ADGRL4: variants seen among roughly 807,000 people sequenced by gnomAD.
The protein encoded by ADGRL4 is adhesion G protein-coupled receptor L4, also known as EGF, latrophilin and seven transmembrane domain containing 1.
A neutral mutation model predicts 74.8 loss-of-function variants in ADGRL4; 90 were observed. The ratio of observed to expected loss-of-function variants is 1.20; its 90% CI spans 1.02 to 1.43. The LOEUF is 1.43. ADGRL4 is among the 40% of genes most tolerant of loss of function. ADGRL4 has a pLI of 0.00. For synonymous variants in ADGRL4, 311 were observed against 279.2 expected, an observed-to-expected ratio of 1.11 and a Z score of -1.14; for missense variants, 881 against 814.3, an observed-to-expected ratio of 1.08 and a Z score of -1.00.
At chr1:78,940,215 C>A (rs992251865) in intron 3 of ADGRL4, among the ~76,000 whole-genome samples, 1 of 152,038 alleles carries the variant, frequency 6.6e-6, no homozygotes, top group African/African-American at 2.4e-5. Context: ...GATAAAAGAG[C>A]GACCTGATTT....
At chr1:78,909,137 C>T (rs941830924) in intron 12 of ADGRL4, among the ~76,000 whole-genome samples, 1 of 151,762 alleles carries the variant, frequency 6.6e-6, no homozygotes, top group Non-Finnish European at 1.5e-5. Flanking sequence ...GAAAGATGCA[C>T]CCAACAAATA....
chr1:78,923,672 G>A (rs2100674669), intron 8 of ADGRL4, among the ~76,000 whole-genome samples: 1 of 151,930 alleles, frequency 6.6e-6, no homozygotes, highest in East Asian at 1.9e-4. Context: ...ATCTCAGAGA[G>A]ATGAGATACT....
intron 2 of ADGRL4, among the ~76,000 whole-genome samples, chr1:78,946,757 G>A (rs17102491): frequency 0.12 from 18,488 of 151,864 alleles, 1,285 homozygotes; most frequent in East Asian, 0.33. Context: ...TTGAATTTAT[G>A]GTACTCTTCA....
At chr1:78,899,608 G>C (rs1314385066) in intron 12 of ADGRL4, among the ~76,000 whole-genome samples, 1 of 152,102 alleles carries the variant, frequency 6.6e-6, no homozygotes, top group Non-Finnish European at 1.5e-5. Context: ...GTCCACCTAG[G>C]TCTCCCAAAG....
Position 78,891,040 on chromosome 1 carries a change from T to C in ADGRL4, c.*114A>G. Reference sequence around the variant, plus strand: ...AACAGAAAAACTGATTTAAAATACTTTTTGTCTAGTAGTTAATAATTGGAT... The same window carrying C: ...AACAGAAAAACTGATTTAAAATACTCTTTGTCTAGTAGTTAATAATTGGAT... On this transcript the variant is annotated 3_prime_UTR_variant, in exon 15 of 15. Coordinates refer to ENST00000370742, the MANE Select transcript of ADGRL4 (RefSeq NM_022159.4). 1 of 1,055,354 alleles carries C rather than the reference T, an allele frequency of 9.5e-7. No homozygotes were observed. Among genetic ancestry groups the C allele is most frequent in the South Asian group, 1.3e-5 (1 of 75,036 alleles). 65.4% of individuals were successfully genotyped at this position (1,055,354 alleles called of 1,614,324 possible). A position where few individuals can be genotyped will look rare whatever the true frequency, so the allele number is the denominator to read the frequency against.
At chr1:78,921,838 G>T (rs1649009127) in intron 8 of ADGRL4, 52 bp from the exon 9 acceptor site, 2 of 1,042,158 alleles carry the variant, frequency 1.9e-6, no homozygotes, top group Non-Finnish European at 2.6e-6. Flanking sequence ...TACATACATA[G>T]TATTGTTTTG....
At chr1:78,908,387 T>C (rs1470670489) in intron 12 of ADGRL4, among the ~76,000 whole-genome samples, 3 of 152,062 alleles carry the variant, frequency 2.0e-5, no homozygotes, top group African/African-American at 7.2e-5. Context: ...CTTAGTGTAA[T>C]CAGCCCTTTT....
chr1:78,990,563 A>G (rs2100733876), intron 2 of ADGRL4, among the ~76,000 whole-genome samples: 1 of 152,074 alleles, frequency 6.6e-6, no homozygotes, highest in East Asian at 1.9e-4. Flanking sequence ...GGAGAAGTAT[A>G]AAGGGATTGT....
At chr1:78,893,039 T>G in intron 13 of ADGRL4, 59 bp downstream of exon 13, 1 of 902,640 alleles carries the variant, frequency 1.1e-6, no homozygotes, top group Non-Finnish European at 1.7e-6. Flanking sequence ...TACTTTGAGT[T>G]ACTAAAGCTT....
At chr1:78,977,981 A>G (rs182281923) in intron 2 of ADGRL4, among the ~76,000 whole-genome samples, 5 of 152,014 alleles carry the variant, frequency 3.3e-5, no homozygotes, top group Admixed American at 1.3e-4. Context: ...TTCTAAATTA[A>G]TATTAAAATT....
chr1:78,936,022 G>T lies in ADGRL4; in HGVS notation c.877+273C>A, dbSNP rs1351543726. Among the ~76,000 whole-genome samples the T allele has an allele frequency of 2.6e-5, 2 of 77,234 alleles. 1 individual carries two copies. The highest frequency in any genetic ancestry group is 5.8e-5 in the Non-Finnish European group (2 of 34,748). The allele number at this position is 77,234 out of a possible 152,430, so 50.7% of individuals were successfully genotyped here. A position where few individuals can be genotyped will look rare whatever the true frequency, so the allele number is the denominator to read the frequency against. ...GCCTGTAGTCCCAGCTACTCGGGAG[G>T]CTGAGGCAGGAGAATGGCGTGAACC... On this transcript the variant is annotated intron_variant, in intron 7 of 14. Coordinates refer to ENST00000370742, the MANE Select transcript of ADGRL4 (RefSeq NM_022159.4).
intron 2 of ADGRL4, among the ~76,000 whole-genome samples, chr1:78,981,713 C>A (rs1650400619): frequency 6.6e-6 from 1 of 151,638 alleles, no homozygotes; most frequent in Non-Finnish European, 1.5e-5. Context: ...ATTTTTATGT[C>A]TTGGTTTACC....
chr1:78,921,191 A>G (rs1415439995), intron 9 of ADGRL4, among the ~76,000 whole-genome samples: 1 of 151,674 alleles, frequency 6.6e-6, no homozygotes, highest in South Asian at 2.1e-4. Flanking sequence ...TGCTAAAAAC[A>G]TGATGTTAGT....
chr1:78,916,470 G>A (rs535661090), intron 12 of ADGRL4, among the ~76,000 whole-genome samples: 3 of 151,982 alleles, frequency 2.0e-5, no homozygotes, highest in Non-Finnish European at 4.4e-5. Context: ...AAATTTTGGA[G>A]TCATAATAAA....
chr1:78,918,252 T>C (rs996186410), intron 10 of ADGRL4, among the ~76,000 whole-genome samples: 11 of 151,928 alleles, frequency 7.2e-5, no homozygotes, highest in South Asian at 6.2e-4. Flanking sequence ...GCGTGAAATA[T>C]TAACCAATCT....
chr1:78,904,660 C>T (rs915263129), intron 12 of ADGRL4, among the ~76,000 whole-genome samples: 1 of 151,904 alleles, frequency 6.6e-6, no homozygotes, highest in African/African-American at 2.4e-5. Context: ...AATGCACCTT[C>T]AAAATAAATG....
chr1:78,977,788 T>C (rs543589464), intron 2 of ADGRL4, among the ~76,000 whole-genome samples: 74 of 151,832 alleles, frequency 4.9e-4, no homozygotes, highest in African/African-American at 1.6e-3. Context: ...TTATAGCAAA[T>C]ACATTTTAAA....
intron 2 of ADGRL4, among the ~76,000 whole-genome samples, chr1:78,971,106 T>C (rs918105128): frequency 2.0e-5 from 3 of 152,138 alleles, no homozygotes; most frequent in Admixed American, 6.6e-5. Flanking sequence ...TGCAGTCATG[T>C]GACTGGAGCC....
chr1:78,966,462 G>A (rs973076972), intron 2 of ADGRL4, among the ~76,000 whole-genome samples: 3 of 152,176 alleles, frequency 2.0e-5, no homozygotes, highest in Non-Finnish European at 4.4e-5. Flanking sequence ...TGGGTCTTGA[G>A]AAGCGGTGAG....
Sources: allele counts gnomAD v4.1 joint callset (sites outside exome capture counted in the v4.1 genomes callset), GRCh38; gene constraint gnomAD v4.1.1; transcripts MANE v1.5; gene names NCBI Gene and HGNC (gene_info 2026-07-23, HGNC 2026-07-21).